MCC: variants seen among roughly 807,000 people sequenced by gnomAD.
The protein encoded by MCC is MCC regulator of Wnt signaling pathway, also known as colorectal mutant cancer protein.
A neutral mutation model predicts 116.2 loss-of-function variants in MCC; 90 were observed. The ratio of observed to expected loss-of-function variants is 0.77; its 90% CI spans 0.65 to 0.92. MCC has a LOEUF of 0.92. Among genes scored for constraint, MCC ranks in the 40% least tolerant of loss-of-function variants. The pLI, the probability that MCC is intolerant of heterozygous loss-of-function variation, is 0.00. For missense variants in MCC, 1,516 were observed against 1,312.2 expected, an observed-to-expected ratio of 1.16 and a Z score of -2.40; for synonymous variants, 578 against 510.5, an observed-to-expected ratio of 1.13 and a Z score of -1.78.
intron 4 of MCC, among the ~76,000 whole-genome samples, chr5:113,145,109 T>TTTG (rs1554058444): frequency 2.8e-4 from 43 of 152,362 alleles, no homozygotes; most frequent in African/African-American, 1.0e-3. Context: ...GAGCTTCATA[T>TTTG]TTCTCTGGAA....
At chr5:113,404,843 T>C (rs1264364881) in intron 1 of MCC, among the ~76,000 whole-genome samples, 1 of 151,514 alleles carries the variant, frequency 6.6e-6, no homozygotes, top group African/African-American at 2.4e-5. Flanking sequence ...TGCAGATCAG[T>C]GCGTGTCATA....
intron 17 of MCC, among the ~76,000 whole-genome samples, chr5:113,030,566 G>T (rs1363139946): frequency 6.6e-6 from 1 of 152,114 alleles, no homozygotes; most frequent in African/African-American, 2.4e-5. Context: ...TGTAGTCCAT[G>T]CTACTCAGGA....
chr5:113,201,560 T>C (rs1762682283), intron 3 of MCC, among the ~76,000 whole-genome samples: 1 of 152,176 alleles, frequency 6.6e-6, no homozygotes, highest in African/African-American at 2.4e-5. Flanking sequence ...AGCTATAGGT[T>C]TTGCTTAACA....
intron 2 of MCC, among the ~76,000 whole-genome samples, chr5:113,366,254 T>C (rs1375317034): frequency 6.6e-6 from 1 of 152,196 alleles, no homozygotes; most frequent in African/African-American, 2.4e-5. Context: ...AGCTTAGATT[T>C]TCTTTCTGGA....
chr5:113,089,902 C>T (rs567224004), intron 8 of MCC, among the ~76,000 whole-genome samples: 2 of 152,182 alleles, frequency 1.3e-5, no homozygotes, highest in South Asian at 2.1e-4. Context: ...CTGATCTTTT[C>T]GGAAAGAAAT....
Position 113,058,292 on chromosome 5 carries a change from G to A in MCC, c.2214-4333C>T, listed in dbSNP as rs113493436. On this transcript the variant is annotated intron_variant, in intron 14 of 18. Transcript: ENST00000408903. ...GAACTGAAGTGATACTATTTTGGCA[G>A]ATTTTCCATTTAGCAGGACTGGTCC... Among the ~76,000 whole-genome samples, 5 of 152,318 alleles carry A rather than the reference G, an allele frequency of 3.3e-5. 1 individual carries two copies. The East Asian group carries it at 9.6e-4, about 29-fold the overall frequency.
intron 8 of MCC, among the ~76,000 whole-genome samples, chr5:113,092,608 G>T (rs892189960): frequency 2.0e-5 from 3 of 152,174 alleles, no homozygotes; most frequent in Admixed American, 6.5e-5. Flanking sequence ...ATCACCTATA[G>T]ATCTTTGCTG....
At chr5:113,272,459 A>C (rs181599723) in intron 3 of MCC, among the ~76,000 whole-genome samples, 2 of 152,340 alleles carry the variant, frequency 1.3e-5, no homozygotes, top group Non-Finnish European at 2.9e-5. Context: ...TAAATAAAAA[A>C]ATAAGCAATT....
intron 1 of MCC, among the ~76,000 whole-genome samples, chr5:113,418,724 C>A (rs944682752): frequency 4.6e-5 from 7 of 151,834 alleles, no homozygotes; most frequent in Non-Finnish European, 8.8e-5. Flanking sequence ...AAGATGAGTA[C>A]AAGAAAGTAG....
At chr5:113,341,984 A>C (rs1581413132) in intron 2 of MCC, among the ~76,000 whole-genome samples, 10 of 142,618 alleles carry the variant, frequency 7.0e-5, no homozygotes, top group East Asian at 4.2e-4. Flanking sequence ...TTTATCCCTC[A>C]CCCCCCCACT....
At chr5:113,049,408 T>C (rs564944519) in intron 15 of MCC, 109 bp from the exon 16 acceptor site, 57 of 848,752 alleles carry the variant, frequency 6.7e-5, no homozygotes, top group Non-Finnish European at 9.1e-5. Flanking sequence ...CACAGGCCCA[T>C]GGTAGAGTTC....
At chr5:113,130,392 G>T (rs896376783) in intron 5 of MCC, among the ~76,000 whole-genome samples, 6 of 151,982 alleles carry the variant, frequency 3.9e-5, no homozygotes, top group Non-Finnish European at 8.8e-5. Context: ...GTAGATAATG[G>T]GTCCAGCAAA....
intron 1 of MCC, among the ~76,000 whole-genome samples, chr5:113,487,538 A>G (rs903820257): frequency 3.9e-5 from 6 of 152,258 alleles, no homozygotes; most frequent in Admixed American, 2.0e-4. Flanking sequence ...CAAACACCCC[A>G]AAGTTTGTTT....
chr5:113,487,243 G>C (rs1772557307), intron 1 of MCC, among the ~76,000 whole-genome samples: 1 of 151,296 alleles, frequency 6.6e-6, no homozygotes, highest in African/African-American at 2.4e-5. Flanking sequence ...AGCAGCCCCG[G>C]ATTTTCAGAA....
At chr5:113,275,302 G>A (rs1765781441) in intron 3 of MCC, among the ~76,000 whole-genome samples, 1 of 152,084 alleles carries the variant, frequency 6.6e-6, no homozygotes, top group East Asian at 1.9e-4. Context: ...TTAGCATTTT[G>A]GTCAGATACA....
chr5:113,210,788 C>T (rs987274500), intron 3 of MCC, among the ~76,000 whole-genome samples: 1 of 151,966 alleles, frequency 6.6e-6, no homozygotes, highest in African/African-American at 2.4e-5. Flanking sequence ...CAGTATATGG[C>T]TGTCAGTTTT....
intron 3 of MCC, among the ~76,000 whole-genome samples, chr5:113,185,822 G>A (rs1358336107): frequency 6.6e-6 from 1 of 152,182 alleles, no homozygotes; most frequent in East Asian, 1.9e-4. Context: ...GAAGCGTGCT[G>A]TAGCATGACA....
intron 8 of MCC, among the ~76,000 whole-genome samples, chr5:113,088,803 T>C (rs1755384904): frequency 6.6e-6 from 1 of 152,152 alleles, no homozygotes; most frequent in Non-Finnish European, 1.5e-5. Context: ...CAAATACTCC[T>C]TCTTCATTGA....
At chr5:113,140,864 C>A (rs1759136763) in intron 5 of MCC, among the ~76,000 whole-genome samples, 1 of 152,160 alleles carries the variant, frequency 6.6e-6, no homozygotes. Context: ...GTTCCTACTG[C>A]ATTTGGCCCA....
Sources: allele counts gnomAD v4.1 joint callset (sites outside exome capture counted in the v4.1 genomes callset), GRCh38; gene constraint gnomAD v4.1.1; transcripts MANE v1.5; gene names NCBI Gene and HGNC (gene_info 2026-07-23, HGNC 2026-07-21).